Variants in ST8SIA4 observed in about 807,000 individuals in gnomAD.
ST8SIA4 encodes the protein ST8 alpha-N-acetyl-neuraminide alpha-2,8-sialyltransferase 4.
ST8SIA4 carries 15 observed loss-of-function variants against 33.9 expected under a neutral mutation model. The ratio of observed to expected loss-of-function variants is 0.44; its 90% confidence interval spans 0.30 to 0.68. The LOEUF (loss-of-function observed/expected upper bound fraction) is 0.68, where lower values mean the gene tolerates loss of function less well. Among genes scored for constraint, ST8SIA4 ranks in the 30% least tolerant of loss-of-function variants. The pLI, the probability that ST8SIA4 is intolerant of heterozygous loss-of-function variation, is 0.10. For missense variants in ST8SIA4, 321 were observed against 428.0 expected, an observed-to-expected ratio of 0.75 and a Z score of 2.21; for synonymous variants, 171 against 151.2, an observed-to-expected ratio of 1.13 and a Z score of -0.96.
At chr5:100,831,439 C>A (rs1751257927) in intron 4 of ST8SIA4, among the ~76,000 whole-genome samples, 1 of 152,136 alleles carries the variant, frequency 6.6e-6, no homozygotes, top group African/African-American at 2.4e-5. Context: ...AAACATTTAT[C>A]AATTCTAAAA....
At chr5:100,861,182 A>C (rs539060813) in intron 3 of ST8SIA4, among the ~76,000 whole-genome samples, 2 of 149,316 alleles carry the variant, frequency 1.3e-5, no homozygotes, top group East Asian at 1.9e-4. Context: ...CACAAAATAC[A>C]CACATACACA....
chr5:100,869,931 T>G (rs1488817805), intron 3 of ST8SIA4, among the ~76,000 whole-genome samples: 1 of 152,166 alleles, frequency 6.6e-6, no homozygotes, highest in Non-Finnish European at 1.5e-5. Flanking sequence ...ATGTGCCATG[T>G]TGGTGTGCTG....
In ST8SIA4 at chr5:100,856,123, T is replaced by C. The variant is rs752299935; in HGVS notation, c.777A>G (p.Arg259=). 113 of 1,613,870 alleles carry C rather than the reference T, an allele frequency of 7.0e-5. No homozygotes were observed. The highest frequency in any genetic ancestry group is 9.1e-5 in the Non-Finnish European group (107 of 1,179,900). Residue 259 remains arginine, a synonymous_variant, in exon 4 of 5, where the codon AGA becomes AGG. Coordinates refer to ENST00000231461, the MANE Select transcript of ST8SIA4 (RefSeq NM_005668.6). Reference sequence around the variant, plus strand: ...CTTACCCTCTGACAGCATGAATAAGTCTCAATGACGGATAGGCAGTTCGCA... The same window carrying C: ...CTTACCCTCTGACAGCATGAATAAGCCTCAATGACGGATAGGCAGTTCGCA... ...LKVRTAYPSL[R]LIHAVRGYWL... is the part of the protein sequence containing the mutation.
chr5:100,835,236 T>C lies in ST8SIA4; in HGVS notation c.797+20867A>G, dbSNP rs759996670. 1.6e-4 allele frequency among the ~76,000 whole-genome samples: 24 copies of C among 152,280 alleles called. No homozygotes were observed. The South Asian group carries it at 2.3e-3, about 14-fold the overall frequency. ...ACAGTGACACTTCTCCCTTGAATTA[T>C]CATATGGAGAGTTAATCAATTTTCC... is the stretch of plus-strand genomic sequence containing the variant. On this transcript the variant is annotated intron_variant, in intron 4 of 4. Coordinates refer to ENST00000231461, the MANE Select transcript of ST8SIA4 (RefSeq NM_005668.6).
chr5:100,877,314 G>T (rs1189904932), intron 3 of ST8SIA4, among the ~76,000 whole-genome samples: 1 of 152,096 alleles, frequency 6.6e-6, no homozygotes, highest in East Asian at 1.9e-4. Context: ...GTTCAATGTG[G>T]CTAGGAAACT....
intron 2 of ST8SIA4, among the ~76,000 whole-genome samples, chr5:100,894,699 A>G (rs1752742921): frequency 2.0e-5 from 3 of 152,108 alleles, no homozygotes; most frequent in Admixed American, 2.0e-4. Context: ...ATAGACTAAT[A>G]GACTCTTCCT....
intron 2 of ST8SIA4, among the ~76,000 whole-genome samples, chr5:100,889,948 T>A (rs1047691150): frequency 1.3e-5 from 2 of 151,778 alleles, no homozygotes; most frequent in African/African-American, 2.4e-5. Flanking sequence ...TAGGCAAAAC[T>A]TGGAATTCGA....
intron 4 of ST8SIA4, among the ~76,000 whole-genome samples, chr5:100,841,595 T>G (rs1392933198): frequency 6.6e-6 from 1 of 151,858 alleles, no homozygotes; most frequent in African/African-American, 2.4e-5. Flanking sequence ...TGGAGTGCAC[T>G]TTCATTTTCA....
intron 3 of ST8SIA4, among the ~76,000 whole-genome samples, chr5:100,875,755 C>T (rs762619864): frequency 6.6e-6 from 1 of 152,024 alleles, no homozygotes; most frequent in African/African-American, 2.4e-5. Context: ...ATAAACTTGA[C>T]GTTTATCTTT....
chr5:100,875,048 T>G (rs1018269117), intron 3 of ST8SIA4, among the ~76,000 whole-genome samples: 5 of 152,186 alleles, frequency 3.3e-5, no homozygotes, highest in African/African-American at 1.2e-4. Flanking sequence ...CATTATTCCA[T>G]TTTATGTGGC....
intron 4 of ST8SIA4, among the ~76,000 whole-genome samples, chr5:100,832,656 C>G (rs1751286799): frequency 6.6e-6 from 1 of 152,098 alleles, no homozygotes; most frequent in African/African-American, 2.4e-5. Flanking sequence ...ATTAGTCTGC[C>G]TTAGATCACC....
At chr5:100,869,580 C>A (rs1429445709) in intron 3 of ST8SIA4, among the ~76,000 whole-genome samples, 1 of 152,070 alleles carries the variant, frequency 6.6e-6, no homozygotes, top group Admixed American at 6.6e-5. Flanking sequence ...TATGGTCTTT[C>A]CAAGTGTGAA....
Position 100,856,238 on chromosome 5 carries a change from C to T in ST8SIA4, c.662G>A (p.Ser221Asn), listed in dbSNP as rs759794120. ...FVHRLSMLND[S>N]VLWIPAFMVK... ...CATGAAAGCAGGAATCCAAAGGACA[C>T]TGTCATTCAGCATGGAAAGTCTATG... Residue 221 changes from serine (S) to asparagine (N), a missense_variant, in exon 4 of 5, where the codon AGT (serine) becomes AAT (asparagine). Coordinates refer to ENST00000231461, the MANE Select transcript of ST8SIA4 (RefSeq NM_005668.6). The T allele has an allele frequency of 1.1e-5, 17 of 1,614,014 alleles. No homozygotes were observed. Among genetic ancestry groups the T allele is most frequent in the Non-Finnish European group, 5.9e-6 (7 of 1,179,988 alleles).
At chr5:100,856,708 T>C (rs1751821150) in intron 3 of ST8SIA4, among the ~76,000 whole-genome samples, 2 of 152,202 alleles carry the variant, frequency 1.3e-5, no homozygotes, top group East Asian at 3.8e-4. Context: ...ATCAGAGAAT[T>C]TATGATGGTA....
intron 4 of ST8SIA4, among the ~76,000 whole-genome samples, chr5:100,823,525 C>A (rs1389020645): frequency 6.6e-6 from 1 of 152,156 alleles, no homozygotes; most frequent in Non-Finnish European, 1.5e-5. Context: ...TCCAGTAATA[C>A]CTGCTCATAT....
intron 4 of ST8SIA4, among the ~76,000 whole-genome samples, chr5:100,825,718 T>G (rs567451158): frequency 2.6e-5 from 4 of 152,340 alleles, no homozygotes; most frequent in African/African-American, 9.6e-5. Flanking sequence ...TATATATTAT[T>G]TATGAATAGG....
At chr5:100,883,246 G>A (rs1036861397) in intron 3 of ST8SIA4, among the ~76,000 whole-genome samples, 3 of 152,194 alleles carry the variant, frequency 2.0e-5, no homozygotes, top group African/African-American at 7.2e-5. Context: ...CATCAAAGGA[G>A]ATCATTTTGG....
chr5:100,847,293 T>A (rs1751590479), intron 4 of ST8SIA4, among the ~76,000 whole-genome samples: 1 of 152,088 alleles, frequency 6.6e-6, no homozygotes, highest in African/African-American at 2.4e-5. Flanking sequence ...CTTATGTGAC[T>A]TGAGTTGATT....
chr5:100,854,309 C>T (rs1751766351), intron 4 of ST8SIA4, among the ~76,000 whole-genome samples: 1 of 151,786 alleles, frequency 6.6e-6, no homozygotes, highest in African/African-American at 2.4e-5. Context: ...TTAGGCCAGG[C>T]ACGGTGGCTC....
Sources: gnomAD v4.1 joint callset for allele counts (sites outside exome capture counted in the v4.1 genomes callset) on GRCh38, gnomAD v4.1.1 for gene constraint, MANE v1.5 for transcripts, NCBI Gene and HGNC (gene_info 2026-07-23, HGNC 2026-07-21) for gene names.